The following CNTN5 variants were observed in gnomAD, a reference collection of about 807,000 sequenced individuals.
CNTN5 encodes the protein contactin-5.
A neutral mutation model predicts 129.1 loss-of-function variants in CNTN5; 77 were observed. That is an observed-to-expected ratio of 0.60 (90% CI 0.50 to 0.72). The LOEUF (loss-of-function observed/expected upper bound fraction) is 0.72. Ranked by LOEUF, CNTN5 falls within the 30% of genes least tolerant of loss-of-function variation. CNTN5 has a pLI of 0.00. For missense variants in CNTN5, 1,478 were observed against 1,328.8 expected (o/e 1.11, Z -1.75); for synonymous variants, 509 against 465.6 (o/e 1.09, Z -1.20).
intron 15 of CNTN5, among the ~76,000 whole-genome samples, chr11:100,198,501 CCTAG>C: frequency 1.3e-5 from 2 of 151,870 alleles, no homozygotes; most frequent in Non-Finnish European, 2.9e-5. Context: ...TGCTACCTGA[CCTAG>C]ACCTCAGTGA....
intron 1 of CNTN5, among the ~76,000 whole-genome samples, chr11:99,316,080 A>G (rs1039446002): frequency 1.3e-5 from 2 of 151,804 alleles, no homozygotes; most frequent in Non-Finnish European, 2.9e-5. Flanking sequence ...TTCTAGAGGA[A>G]CCATTCCTGT....
chr11:99,437,563 C>T (rs1943648551), intron 2 of CNTN5, among the ~76,000 whole-genome samples: 3 of 152,150 alleles, frequency 2.0e-5, no homozygotes, highest in Non-Finnish European at 2.9e-5. Context: ...TGTTGCGGCT[C>T]ATGCCTGTAA....
chr11:99,800,579 T>C (rs1177999350), intron 3 of CNTN5, among the ~76,000 whole-genome samples: 2 of 152,150 alleles, frequency 1.3e-5, no homozygotes, highest in Non-Finnish European at 2.9e-5. Context: ...TGCCTAAGTC[T>C]ATCAGAGGTC....
intron 3 of CNTN5, among the ~76,000 whole-genome samples, chr11:99,619,182 A>AACC (rs1950852051): frequency 2.1e-5 from 1 of 46,720 alleles, no homozygotes; most frequent in Non-Finnish European, 5.5e-5. Context: ...GTTTTTTGTT[A>AACC]AAACAAAAAA....
chr11:99,666,780 C>G (rs61910758), intron 3 of CNTN5, among the ~76,000 whole-genome samples: 1 of 152,018 alleles, frequency 6.6e-6, no homozygotes, highest in African/African-American at 2.4e-5. Context: ...CTTTTTTTTC[C>G]TATCTTAGCC....
At chr11:99,924,136 A>G (rs921632175) in intron 7 of CNTN5, among the ~76,000 whole-genome samples, 2 of 152,184 alleles carry the variant, frequency 1.3e-5, no homozygotes, top group Admixed American at 1.3e-4. Context: ...TCTGGCTGGT[A>G]TAAGATGGTA....
At chr11:99,299,693 C>T (rs956407585) in intron 1 of CNTN5, among the ~76,000 whole-genome samples, 3 of 152,072 alleles carry the variant, frequency 2.0e-5, no homozygotes, top group African/African-American at 7.2e-5. Context: ...TGATGGTCCC[C>T]AACTCAATCC....
chr11:99,987,144 AC>A (rs1938735331), intron 8 of CNTN5, among the ~76,000 whole-genome samples: 1 of 152,136 alleles, frequency 6.6e-6, no homozygotes, highest in South Asian at 2.1e-4. Context: ...GCCACCTGTC[AC>A]CCACATATAT....
At chr11:99,847,411 C>T (rs79667140) in intron 6 of CNTN5, among the ~76,000 whole-genome samples, 1 of 152,160 alleles carries the variant, frequency 6.6e-6, no homozygotes, top group Non-Finnish European at 1.5e-5. Flanking sequence ...CTGTCTTCAA[C>T]TTGATTTAGA....
rs145114949 is a variant in CNTN5 at position 99,807,388 on chromosome 11, T to G, written c.56-12156T>G. 5.9e-5 allele frequency among the ~76,000 whole-genome samples: 9 copies of G among 152,298 alleles called. No homozygotes were observed. The East Asian group carries it at 1.7e-3, about 29-fold the overall frequency. On this transcript the variant is annotated intron_variant, in intron 3 of 24. Transcript: ENST00000524871. ...ACAGGGGTATTCCTGTTTGGTTATA[T>G]ATGACAGATAAATTCATCTATAGGG...
At chr11:99,343,870 G>C (rs1232095052) in intron 2 of CNTN5, among the ~76,000 whole-genome samples, 1 of 151,948 alleles carries the variant, frequency 6.6e-6, no homozygotes, top group African/African-American at 2.4e-5. Context: ...TAATTACATA[G>C]AGTGTGCTAA....
At chr11:99,645,440 C>A (rs190174442) in intron 3 of CNTN5, among the ~76,000 whole-genome samples, 1 of 152,010 alleles carries the variant, frequency 6.6e-6, no homozygotes, top group South Asian at 2.1e-4. Context: ...CTTGAGGAAT[C>A]GCCACACTGT....
At chr11:99,670,995 A>G (rs7109484) in intron 3 of CNTN5, among the ~76,000 whole-genome samples, 37,235 of 152,010 alleles carry the variant, frequency 0.24, 4,951 homozygotes, top group African/African-American at 0.35. Flanking sequence ...TCCCCAGGCT[A>G]GTTCTAACTT....
At chr11:100,275,494 T>C (rs1322269596) in intron 18 of CNTN5, among the ~76,000 whole-genome samples, 1 of 152,026 alleles carries the variant, frequency 6.6e-6, no homozygotes, top group Non-Finnish European at 1.5e-5. Flanking sequence ...TCTATAAATA[T>C]TCATTTCAAA....
intron 3 of CNTN5, among the ~76,000 whole-genome samples, chr11:99,641,073 C>T (rs566862970): frequency 1.6e-4 from 24 of 152,218 alleles, no homozygotes; most frequent in African/African-American, 5.5e-4. Context: ...AGTAAGTACA[C>T]TTAAGGAGGT....
At chr11:99,390,937 G>A (rs949861542) in intron 2 of CNTN5, among the ~76,000 whole-genome samples, 1 of 151,836 alleles carries the variant, frequency 6.6e-6, no homozygotes, top group African/African-American at 2.4e-5. Flanking sequence ...ATTTTTTAAT[G>A]TTTTTATTAT....
chr11:100,298,259 AG>A (rs1951137878), intron 19 of CNTN5, among the ~76,000 whole-genome samples: 1 of 151,568 alleles, frequency 6.6e-6, no homozygotes, highest in Non-Finnish European at 1.5e-5. Flanking sequence ...TTTTCCAGTA[AG>A]AATTATTCCA....
chr11:99,767,760 G>C (rs555119905), intron 3 of CNTN5, among the ~76,000 whole-genome samples: 3 of 152,076 alleles, frequency 2.0e-5, no homozygotes, highest in South Asian at 4.2e-4. Context: ...GAGAAAGGCA[G>C]TGACGTTACA....
intron 9 of CNTN5, among the ~76,000 whole-genome samples, chr11:100,037,842 A>G (rs1942114189): frequency 6.6e-6 from 1 of 151,946 alleles, no homozygotes; most frequent in Non-Finnish European, 1.5e-5. Flanking sequence ...TATTGCATCA[A>G]TTTGATTCTT....
Sources: gnomAD v4.1 joint callset for allele counts (sites outside exome capture counted in the v4.1 genomes callset) on GRCh38, gnomAD v4.1.1 for gene constraint, MANE v1.5 for transcripts, NCBI Gene and HGNC (gene_info 2026-07-23, HGNC 2026-07-21) for gene names.